MACROD2: variants seen among roughly 807,000 people sequenced by gnomAD.
MACROD2 encodes ADP-ribose glycohydrolase MACROD2.
MACROD2 carries 36 observed loss-of-function variants against 70.4 expected under a neutral mutation model. The observed-to-expected ratio is 0.51, with a 90% confidence interval of 0.39 to 0.68. MACROD2 has a LOEUF of 0.68. Ranked by LOEUF, MACROD2 falls within the 30% of genes least tolerant of loss-of-function variation. MACROD2 has a pLI of 0.00. For missense variants in MACROD2, 496 were observed against 538.4 expected (o/e 0.92, Z 0.78); for synonymous variants, 172 against 178.8 (o/e 0.96, Z 0.30).
intron 5 of MACROD2, among the ~76,000 whole-genome samples, chr20:14,877,089 A>G (rs1199105460): frequency 6.6e-6 from 1 of 152,154 alleles, no homozygotes; most frequent in African/African-American, 2.4e-5. Flanking sequence ...ATCCATGAGC[A>G]TGGAATGTTT....
intron 8 of MACROD2, among the ~76,000 whole-genome samples, chr20:15,550,184 G>A (rs2048076767): frequency 6.6e-6 from 1 of 151,074 alleles, no homozygotes; most frequent in South Asian, 2.1e-4. Flanking sequence ...ATCTATTTTG[G>A]AGTGGTGTTT....
chr20:14,988,549 G>A (rs964426643), intron 5 of MACROD2, among the ~76,000 whole-genome samples: 2 of 152,074 alleles, frequency 1.3e-5, no homozygotes, highest in African/African-American at 4.8e-5. Context: ...GAAACTCCTG[G>A]AGGAATCTAT....
intron 3 of MACROD2, among the ~76,000 whole-genome samples, chr20:14,268,194 T>C (rs2082159917): frequency 6.6e-6 from 1 of 152,106 alleles, no homozygotes; most frequent in South Asian, 2.1e-4. Flanking sequence ...CAGATTCATA[T>C]AATTTCTCCC....
At chr20:14,676,443 G>A (rs1484603129) in intron 4 of MACROD2, among the ~76,000 whole-genome samples, 6 of 152,202 alleles carry the variant, frequency 3.9e-5, no homozygotes, top group Non-Finnish European at 8.8e-5. Flanking sequence ...CATGGAAACT[G>A]AACAAGCTGT....
At chr20:15,283,108 G>T (rs768902748) in intron 6 of MACROD2, among the ~76,000 whole-genome samples, 12 of 152,094 alleles carry the variant, frequency 7.9e-5, no homozygotes, top group Non-Finnish European at 1.8e-4. Flanking sequence ...CAGAATGGGG[G>T]AACTGCCCAT....
chr20:15,112,982 T>TG (rs1241048378), intron 5 of MACROD2, among the ~76,000 whole-genome samples: 13 of 95,978 alleles, frequency 1.4e-4, no homozygotes, highest in African/African-American at 3.5e-4. Context: ...GTGTGTGTGT[T>TG]TGTGTGTGTA....
intron 5 of MACROD2, among the ~76,000 whole-genome samples, chr20:15,144,784 C>G (rs1568599620): frequency 6.6e-6 from 1 of 152,166 alleles, no homozygotes; most frequent in Admixed American, 6.5e-5. Flanking sequence ...ATGGACACCC[C>G]TGGAATCTGC....
At chr20:16,047,150 C>T (rs80148507) in intron 17 of MACROD2, among the ~76,000 whole-genome samples, 2,609 of 152,208 alleles carry the variant, frequency 0.017, 71 homozygotes, top group African/African-American at 0.059. Flanking sequence ...ATTTGTGCAA[C>T]GTCACTGACT....
At chr20:14,809,285 CAAAA>C in intron 5 of MACROD2, among the ~76,000 whole-genome samples, 3 of 152,230 alleles carry the variant, frequency 2.0e-5, no homozygotes, top group African/African-American at 7.2e-5. Flanking sequence ...GAAACTCACT[CAAAA>C]CCACACAATT....
intron 15 of MACROD2, among the ~76,000 whole-genome samples, chr20:16,019,283 A>G (rs545575405): frequency 4.6e-5 from 7 of 152,352 alleles, no homozygotes; most frequent in African/African-American, 1.7e-4. Context: ...TATATACTGT[A>G]GAGGGTGGTA....
chr20:16,052,786 C>T lies in MACROD2; in HGVS notation c.*2910C>T, dbSNP rs2067475406. Reference sequence around the variant, plus strand: ...ACATTTCTCTGTATGTGGCGCATGTCGGCTTTGCTTTGAAAAATAACAAAG... The same window carrying T: ...ACATTTCTCTGTATGTGGCGCATGTTGGCTTTGCTTTGAAAAATAACAAAG... On this transcript the variant is annotated 3_prime_UTR_variant, in exon 18 of 18. Transcript: ENST00000684519. 6.6e-6 allele frequency: 1 copy of T among 152,512 alleles called. No individual in the cohort carries two copies. Among genetic ancestry groups the T allele is most frequent in the Admixed American group, 6.5e-5 (1 of 15,274 alleles). The allele number at this position is 152,512 out of a possible 1,614,324, so 9.4% of individuals were successfully genotyped here. A position where few individuals can be genotyped will look rare whatever the true frequency, so the allele number is the denominator to read the frequency against.
chr20:15,300,739 C>T (rs370826698), intron 6 of MACROD2, among the ~76,000 whole-genome samples: 26 of 152,230 alleles, frequency 1.7e-4, no homozygotes, highest in African/African-American at 6.3e-4. Flanking sequence ...GGTTGGGTGT[C>T]CTCAAGTGGG....
Position 15,277,945 on chromosome 20 carries a change from C to T in MACROD2, c.540+47884C>T, listed in dbSNP as rs541722992. Among the ~76,000 whole-genome samples, 337 of 152,162 alleles carry T rather than the reference C, an allele frequency of 2.2e-3. 3 individuals are homozygous for T. The highest frequency in any genetic ancestry group is 0.013 in the South Asian group (62 of 4,820). ...CCCTCTGTGGTGATGAATTAGAGAACTTGGAAGAAAATAAACAGCGTAGTG... is the reference window on the plus strand; with the variant it reads ...CCCTCTGTGGTGATGAATTAGAGAATTTGGAAGAAAATAAACAGCGTAGTG... On this transcript the variant is annotated intron_variant, in intron 6 of 17. Transcript: ENST00000684519.
intron 8 of MACROD2, among the ~76,000 whole-genome samples, chr20:15,589,204 G>A (rs996713650): frequency 6.6e-6 from 1 of 152,074 alleles, no homozygotes; most frequent in Non-Finnish European, 1.5e-5. Context: ...TCACTATCAC[G>A]AGAATAGCAT....
chr20:15,362,629 TATTCA>T (rs2078366015), intron 6 of MACROD2, among the ~76,000 whole-genome samples: 1 of 152,158 alleles, frequency 6.6e-6, no homozygotes, highest in East Asian at 1.9e-4. Context: ...TTTAAATAGT[TATTCA>T]ATTCATTATT....
chr20:15,450,264 T>C (rs1353897704), intron 7 of MACROD2, among the ~76,000 whole-genome samples: 1 of 151,914 alleles, frequency 6.6e-6, no homozygotes, highest in African/African-American at 2.4e-5. Context: ...TACAAAAAGT[T>C]ATAAATGCAT....
chr20:15,494,127 G>A (rs1446594085), intron 7 of MACROD2, among the ~76,000 whole-genome samples: 2 of 152,210 alleles, frequency 1.3e-5, no homozygotes, highest in Non-Finnish European at 2.9e-5. Flanking sequence ...TTAATAGCTT[G>A]AAATGTGGTC....
chr20:14,151,590 T>C (rs1601284662), intron 3 of MACROD2, among the ~76,000 whole-genome samples: 1 of 152,224 alleles, frequency 6.6e-6, no homozygotes, highest in East Asian at 1.9e-4. Context: ...CTATAAGTAT[T>C]GTATTTTGAT....
In MACROD2 at chr20:14,205,532, G is replaced by A. The variant is rs935413503; in HGVS notation, c.271+119804G>A. Reference sequence around the variant, plus strand: ...GGTGGCTCCACCCCACCCTTCCGGTGCGCATGCGGGCCCTTAGTCTGACCC... The same window carrying A: ...GGTGGCTCCACCCCACCCTTCCGGTACGCATGCGGGCCCTTAGTCTGACCC... On this transcript the variant is annotated intron_variant, in intron 3 of 17. Transcript: ENST00000684519. Among the ~76,000 whole-genome samples, 6 of 152,280 alleles carry A rather than the reference G, an allele frequency of 3.9e-5. No homozygotes were observed. The East Asian group carries it at 1.2e-3, about 29-fold the overall frequency.
Sources: gnomAD v4.1 joint callset for allele counts (sites outside exome capture counted in the v4.1 genomes callset) on GRCh38, gnomAD v4.1.1 for gene constraint, MANE v1.5 for transcripts, NCBI Gene and HGNC (gene_info 2026-07-23, HGNC 2026-07-21) for gene names.